The following PTPRN2 variants were observed in gnomAD, a reference collection of about 807,000 sequenced individuals.
The protein encoded by PTPRN2 is protein tyrosine phosphatase receptor type N2, also known as receptor-type tyrosine-protein phosphatase N2.
In PTPRN2, 74 loss-of-function variants were observed where a neutral mutation model predicts 118.8. That is an observed-to-expected ratio of 0.62 (90% CI 0.52 to 0.76). PTPRN2 has a LOEUF of 0.76. PTPRN2 is among the 30% of genes least tolerant of loss of function. The pLI is 0.00. For missense variants in PTPRN2, 1,481 were observed against 1,394.4 expected, an observed-to-expected ratio of 1.06 and a Z score of -0.99; for synonymous variants, 641 against 608.0, an observed-to-expected ratio of 1.05 and a Z score of -0.80.
intron 2 of PTPRN2, among the ~76,000 whole-genome samples, chr7:158,374,353 C>T (rs771935086): frequency 6.6e-6 from 1 of 152,180 alleles, no homozygotes; most frequent in South Asian, 2.1e-4. Flanking sequence ...CAAGAACACA[C>T]TGGCAAAAGG....
chr7:158,126,021 G>A (rs1039319730), intron 9 of PTPRN2, among the ~76,000 whole-genome samples: 7 of 151,170 alleles, frequency 4.6e-5, no homozygotes, highest in South Asian at 2.1e-4. Flanking sequence ...CCCGGAGAGC[G>A]GGCGGCGGAA....
intron 11 of PTPRN2, among the ~76,000 whole-genome samples, chr7:157,958,609 C>T (rs1801331122): frequency 6.6e-6 from 1 of 152,120 alleles, no homozygotes; most frequent in South Asian, 2.1e-4. Flanking sequence ...TACTTCTATA[C>T]ACTAAAATAA....
rs994691144 is a variant in PTPRN2 at position 157,619,822 on chromosome 7, C to T, written c.2344+1540G>A. ...GGGCAAGGGCAGTGCCTCTCCCTGG[C>T]GTGGGGGGCTGTGCTGCTGGTACGG... is the stretch of plus-strand genomic sequence containing the variant. On this transcript the variant is annotated intron_variant, in intron 15 of 22. Transcript: ENST00000389418. This position sits in a 1 kb window ranked among gnomAD's most constrained non-coding sequence, Gnocchi z 5.3. Among the ~76,000 whole-genome samples the T allele has an allele frequency of 2.6e-5, 4 of 152,186 alleles. No homozygotes were observed. Among genetic ancestry groups the T allele is most frequent in the Non-Finnish European group, 2.9e-5 (2 of 68,020 alleles).
chr7:158,413,646 C>T (rs189738537), intron 2 of PTPRN2, among the ~76,000 whole-genome samples: 159 of 152,366 alleles, frequency 1.0e-3, no homozygotes, highest in African/African-American at 3.5e-3. Flanking sequence ...CCACCCCTCT[C>T]CCGGGAGGAC....
chr7:158,302,309 T>G (rs1212505952), intron 3 of PTPRN2, among the ~76,000 whole-genome samples: 1 of 152,210 alleles, frequency 6.6e-6, no homozygotes, highest in East Asian at 1.9e-4. Flanking sequence ...TACAGTCTCT[T>G]GCTCCCTGGA....
At chr7:158,269,581 A>G (rs2150955488) in intron 3 of PTPRN2, among the ~76,000 whole-genome samples, 1 of 152,324 alleles carries the variant, frequency 6.6e-6, no homozygotes, top group East Asian at 1.9e-4. Context: ...GGGGTGGGTA[A>G]AGGATGCTTC....
At chr7:158,340,487 A>T (rs373447334) in intron 2 of PTPRN2, among the ~76,000 whole-genome samples, 9 of 109,080 alleles carry the variant, frequency 8.3e-5, no homozygotes, top group Admixed American at 2.0e-4. Context: ...TCACCATAAT[A>T]GGTGACACCT....
chr7:158,523,400 A>AGCGGAGTCG (rs1563392287), intron 1 of PTPRN2, among the ~76,000 whole-genome samples: 2 of 57,378 alleles, frequency 3.5e-5, no homozygotes, highest in African/African-American at 5.6e-5. Flanking sequence ...GAGCGGAGTC[A>AGCGGAGTCG]TCTGCCCTGG....
At position 157,618,712 on chromosome 7, in the gene PTPRN2, T is replaced by A. The variant is rs776716076; in HGVS notation, c.2344+2650A>T. ...CCCAAAAGCAAGATGGCCAAGAGTA[T>A]GGAGAAGAAAGTAGGTAATACAAGT... On this transcript the variant is annotated intron_variant, in intron 15 of 22. Transcript: ENST00000389418. The surrounding 1 kb of genome is among the most constrained non-coding windows in gnomAD (Gnocchi z 4.2). 6.6e-6 allele frequency: 1 copy of A among 152,230 alleles called. No homozygotes were observed. The highest frequency in any genetic ancestry group is 2.4e-5 in the African/African-American group (1 of 41,448). The allele number at this position is 152,230 out of a possible 1,614,324, so 9.4% of individuals were successfully genotyped here.
chr7:158,063,183 C>T (rs1257996253), intron 11 of PTPRN2, among the ~76,000 whole-genome samples: 1 of 152,192 alleles, frequency 6.6e-6, no homozygotes. Flanking sequence ...ATTTAGTGCT[C>T]TGTATTTAGC....
rs540600661 is a variant in PTPRN2, at chr7:158,506,808, C to T, written c.113-17023G>A. On this transcript the variant is annotated intron_variant, in intron 1 of 22. Coordinates refer to ENST00000389418, the MANE Select transcript of PTPRN2 (RefSeq NM_002847.5). The stretch of plus-strand genomic sequence containing the variant: ...GCCTGGGTGTCTCCTCACTCCCCCG[C>T]CCCTCCGCCATCGCCATAGGAAGGA... 1.3e-4 allele frequency among the ~76,000 whole-genome samples: 20 copies of T among 152,246 alleles called. 1 individual carries two copies. The South Asian group carries it at 3.9e-3, about 30-fold the overall frequency.
intron 10 of PTPRN2, among the ~76,000 whole-genome samples, chr7:158,107,898 C>G (rs1815816457): frequency 6.6e-6 from 1 of 151,032 alleles, no homozygotes. Flanking sequence ...CACAGCAGGC[C>G]CATGTACCTG....
At chr7:158,141,176 G>A (rs1819353385) in intron 6 of PTPRN2, among the ~76,000 whole-genome samples, 1 of 152,210 alleles carries the variant, frequency 6.6e-6, no homozygotes, top group Admixed American at 6.5e-5. Context: ...AGGGATCTCG[G>A]CACAATCCTC....
intron 3 of PTPRN2, among the ~76,000 whole-genome samples, chr7:158,296,182 C>T (rs1800486799): frequency 6.6e-6 from 1 of 152,136 alleles, no homozygotes; most frequent in Non-Finnish European, 1.5e-5. Flanking sequence ...CTATAAAAAC[C>T]CTGAGACCCT....
intron 2 of PTPRN2, among the ~76,000 whole-genome samples, chr7:158,431,268 C>T (rs910597845): frequency 3.5e-5 from 5 of 144,340 alleles, no homozygotes; most frequent in African/African-American, 1.0e-4. Flanking sequence ...GGGCTCACTC[C>T]GGGCTCAACA....
At chr7:158,378,593 C>G (rs1264821051) in intron 2 of PTPRN2, among the ~76,000 whole-genome samples, 1 of 152,170 alleles carries the variant, frequency 6.6e-6, no homozygotes, top group Non-Finnish European at 1.5e-5. Context: ...ATGCTGAAAA[C>G]CCCACTCTTG....
intron 11 of PTPRN2, among the ~76,000 whole-genome samples, chr7:158,019,498 C>T (rs1806708277): frequency 6.6e-6 from 1 of 152,244 alleles, no homozygotes; most frequent in Admixed American, 6.5e-5. Context: ...AGGATGCCCA[C>T]AAGGCCTCGT....
Position 157,591,593 on chromosome 7 carries a change from T to C in PTPRN2, c.2496+3645A>G, listed in dbSNP as rs1330651402. On this transcript the variant is annotated intron_variant, in intron 17 of 22. Coordinates refer to ENST00000389418, the MANE Select transcript of PTPRN2 (RefSeq NM_002847.5). This position sits in a 1 kb window ranked among gnomAD's most constrained non-coding sequence, Gnocchi z 4.4. ...GTTTTAAAGACAGGTGTTCTTCCTCTGCCTGCGTTCTGCTAAGCCAGAGAG... is the reference window on the plus strand; with the variant it reads ...GTTTTAAAGACAGGTGTTCTTCCTCCGCCTGCGTTCTGCTAAGCCAGAGAG... Among the ~76,000 whole-genome samples, 1 of 152,270 alleles carries C rather than the reference T, an allele frequency of 6.6e-6. No individual in the cohort carries two copies. The highest frequency in any genetic ancestry group is 1.5e-5 in the Non-Finnish European group (1 of 68,044).
At chr7:158,331,001 C>T (rs867715527) in intron 2 of PTPRN2, among the ~76,000 whole-genome samples, 1 of 121,002 alleles carries the variant, frequency 8.3e-6, no homozygotes, top group Non-Finnish European at 1.7e-5. Flanking sequence ...AGAGCTGACA[C>T]CCGCAGACGT....
Sources: allele counts gnomAD v4.1 joint callset (sites outside exome capture counted in the v4.1 genomes callset), GRCh38; gene constraint gnomAD v4.1.1; non-coding constraint Gnocchi (gnomAD v3.1); transcripts MANE v1.5; gene names NCBI Gene and HGNC (gene_info 2026-07-23, HGNC 2026-07-21).